Variants in CACNA1C observed in about 807,000 individuals in gnomAD.
CACNA1C encodes calcium voltage-gated channel subunit alpha1 C, also known as voltage-dependent L-type calcium channel subunit alpha-1C.
In CACNA1C, 30 loss-of-function variants were observed where a neutral mutation model predicts 229.0. That is an observed-to-expected ratio of 0.13 (90% confidence interval 0.10 to 0.18). The LOEUF is 0.18. Among genes scored for constraint, CACNA1C ranks in the 10% least tolerant of loss-of-function variants. The pLI is 1.00. For synonymous variants in CACNA1C, 1,114 were observed against 1,132.5 expected, an observed-to-expected ratio of 0.98 and a Z score of 0.33; for missense variants, 1,658 against 2,845.0, an observed-to-expected ratio of 0.58 and a Z score of 9.49.
In CACNA1C at chr12:2,445,522, C is replaced by T. The variant is rs773724189; in HGVS notation, c.478-3454C>T. ...AGGACAAATGTTACATGGCATGGAT[C>T]GCAGGATAGGCTTTTTTTGGGAAAA... On this transcript the variant is annotated intron_variant, in intron 3 of 46. Coordinates refer to ENST00000399655, the MANE Select transcript of CACNA1C (RefSeq NM_000719.7). Among the ~76,000 whole-genome samples the T allele has an allele frequency of 5.3e-4, 81 of 152,128 alleles. 1 individual carries two copies. The highest frequency in any genetic ancestry group is 1.6e-4 in the Non-Finnish European group (11 of 68,028).
chr12:2,095,742 C>T (rs1482912968), intron 1 of CACNA1C, among the ~76,000 whole-genome samples: 1 of 152,128 alleles, frequency 6.6e-6, no homozygotes, highest in African/African-American at 2.4e-5. Context: ...AACAGACGCC[C>T]ACAGAAGAGG....
intron 3 of CACNA1C, among the ~76,000 whole-genome samples, chr12:2,437,933 G>T (rs1284252394): frequency 6.6e-6 from 1 of 150,464 alleles, no homozygotes. Flanking sequence ...AGTGGTGGTG[G>T]CAGTGGAGTG....
intron 3 of CACNA1C, among the ~76,000 whole-genome samples, chr12:2,277,398 C>G (rs1433612268): frequency 7.0e-6 from 1 of 142,096 alleles, no homozygotes; most frequent in African/African-American, 2.6e-5. Flanking sequence ...CACACACACA[C>G]ACACACACAC....
chr12:2,594,817 G>T (rs2067284522), intron 19 of CACNA1C, among the ~76,000 whole-genome samples: 1 of 152,186 alleles, frequency 6.6e-6, no homozygotes, highest in African/African-American at 2.4e-5. Context: ...TAGGTCTGGG[G>T]AGACTTTCTT....
At chr12:2,546,613 G>A (rs1352596609) in intron 9 of CACNA1C, among the ~76,000 whole-genome samples, 4 of 152,030 alleles carry the variant, frequency 2.6e-5, no homozygotes, top group African/African-American at 4.8e-5. Context: ...GTGTCTTCAC[G>A]CCCTCCCATG....
At chr12:2,401,059 C>G (rs2098670486) in intron 3 of CACNA1C, among the ~76,000 whole-genome samples, 1 of 152,194 alleles carries the variant, frequency 6.6e-6, no homozygotes, top group South Asian at 2.1e-4. Context: ...GCTTGGTCCT[C>G]CCTTCAGTCT....
At chr12:2,307,520 C>T (rs906641203) in intron 3 of CACNA1C, among the ~76,000 whole-genome samples, 1 of 152,108 alleles carries the variant, frequency 6.6e-6, no homozygotes, top group East Asian at 1.9e-4. Context: ...GTGCTGGGGC[C>T]GAGATTCATG....
chr12:1,977,470 C>A (rs567851237), intron 1 of CACNA1C, among the ~76,000 whole-genome samples: 1 of 152,326 alleles, frequency 6.6e-6, no homozygotes, highest in Admixed American at 6.5e-5. Flanking sequence ...AGATGCCACA[C>A]AAAATCATCA....
intron 3 of CACNA1C, among the ~76,000 whole-genome samples, chr12:2,270,452 C>T (rs1034742371): frequency 6.6e-6 from 1 of 152,220 alleles, no homozygotes; most frequent in Non-Finnish European, 1.5e-5. Flanking sequence ...CTCAGTGACC[C>T]CTCATGTCAA....
At chr12:2,015,176 C>A (rs1259190371) in intron 1 of CACNA1C, among the ~76,000 whole-genome samples, 1 of 152,204 alleles carries the variant, frequency 6.6e-6, no homozygotes, top group Non-Finnish European at 1.5e-5. Context: ...TCTGTACTCT[C>A]TCTCCCTTTA....
chr12:2,412,685 G>T (rs1260767046), intron 3 of CACNA1C, among the ~76,000 whole-genome samples: 3 of 152,132 alleles, frequency 2.0e-5, no homozygotes. Flanking sequence ...TAAATATATT[G>T]ATCAATATGT....
At chr12:2,229,109 A>G (rs1212415995) in intron 3 of CACNA1C, among the ~76,000 whole-genome samples, 2 of 152,204 alleles carry the variant, frequency 1.3e-5, no homozygotes, top group Non-Finnish European at 2.9e-5. Context: ...TGGAAAGAGC[A>G]CAGGATTTGG....
chr12:2,638,029 T>A (rs2093074485), intron 30 of CACNA1C, among the ~76,000 whole-genome samples: 1 of 152,188 alleles, frequency 6.6e-6, no homozygotes, highest in Admixed American at 6.5e-5. Context: ...GAGTCTCACT[T>A]CCTATACGTC....
chr12:2,425,728 C>T (rs2099025162), intron 3 of CACNA1C, among the ~76,000 whole-genome samples: 1 of 152,138 alleles, frequency 6.6e-6, no homozygotes, highest in South Asian at 2.1e-4. Flanking sequence ...AGCTTTTTAT[C>T]TATTTTCCCC....
At chr12:2,291,991 T>C (rs1025798206) in intron 3 of CACNA1C, among the ~76,000 whole-genome samples, 2 of 152,184 alleles carry the variant, frequency 1.3e-5, no homozygotes, top group Non-Finnish European at 2.9e-5. Context: ...CACTGTTCTG[T>C]TGGGCTTAAT....
intron 3 of CACNA1C, among the ~76,000 whole-genome samples, chr12:2,247,226 A>C (rs568184229): frequency 1.3e-5 from 2 of 152,126 alleles, no homozygotes; most frequent in South Asian, 4.1e-4. Flanking sequence ...TGCTCTCTCT[A>C]TATGGTCACA....
Position 2,691,221 on chromosome 12 carries a change from T to C in CACNA1C, c.*22T>C, listed in dbSNP as rs1466811833. ...GTAGTGGGCGCTGCCAGATGCGGGC[T>C]TTTTTTTATTTGTTTCAATGTTCCT... On this transcript the variant is annotated 3_prime_UTR_variant, in exon 47 of 47. Coordinates refer to ENST00000399655, the MANE Select transcript of CACNA1C (RefSeq NM_000719.7). 4.0e-6 allele frequency: 6 copies of C among 1,507,610 alleles called. No homozygotes were observed. In the Middle Eastern group the frequency reaches 7.4e-4, roughly 187 times the overall value. The allele number at this position is 1,507,610 out of a possible 1,614,324, so 93.4% of individuals were successfully genotyped here.
At chr12:1,990,712 T>C (rs898684274) in intron 1 of CACNA1C, among the ~76,000 whole-genome samples, 12 of 152,142 alleles carry the variant, frequency 7.9e-5, no homozygotes, top group Admixed American at 6.5e-4. Context: ...GAGGAAATAG[T>C]CTTACAAAAA....
Position 2,400,159 on chromosome 12 carries a change from A to G in CACNA1C, c.478-48817A>G, listed in dbSNP as rs150358504. 2.0e-5 allele frequency among the ~76,000 whole-genome samples: 3 copies of G among 152,304 alleles called. No homozygotes were observed. In the East Asian group the frequency reaches 5.8e-4, roughly 29 times the overall value. ...CCATGGTGTGGATAATATTAAATCC[A>G]TTTTACACAGCTAAGAACTGAGGCT... On this transcript the variant is annotated intron_variant, in intron 3 of 46. Transcript: ENST00000399655.
Sources: gnomAD v4.1 joint callset for allele counts (sites outside exome capture counted in the v4.1 genomes callset) on GRCh38, gnomAD v4.1.1 for gene constraint, MANE v1.5 for transcripts, NCBI Gene and HGNC (gene_info 2026-07-23, HGNC 2026-07-21) for gene names.